Variants in ARHGEF28 observed in about 807,000 individuals in gnomAD.
ARHGEF28 encodes the protein Rho guanine nucleotide exchange factor 28.
In ARHGEF28, 152 loss-of-function variants were observed where a neutral mutation model predicts 206.6. That is an observed-to-expected ratio of 0.74 (90% confidence interval 0.64 to 0.84). The LOEUF (loss-of-function observed/expected upper bound fraction) is 0.84. ARHGEF28 is among the 40% of genes least tolerant of loss of function. The pLI, the probability that ARHGEF28 is intolerant of heterozygous loss-of-function variation, is 0.00. For synonymous variants in ARHGEF28, 763 were observed against 776.4 expected (o/e 0.98, Z 0.29); for missense variants, 2,028 against 2,073.2 (o/e 0.98, Z 0.42).
chr5:73,818,529 AAGG>A (rs1221322267), intron 9 of ARHGEF28, among the ~76,000 whole-genome samples: 1 of 152,260 alleles, frequency 6.6e-6, no homozygotes, highest in African/African-American at 2.4e-5. Flanking sequence ...AATCCTTATT[AAGG>A]AAGGGAAACA....
In ARHGEF28 at chr5:73,939,110, A is replaced by C. The variant is rs544321133; in HGVS notation, c.4949-1734A>C. ...CACGAGAGTCTTGATCATTAGAGCA[A>C]GGAGTCATCACGTGGCTGCCATCCT... On this transcript the variant is annotated intron_variant, in intron 35 of 35. Coordinates refer to ENST00000513042, the MANE Select transcript of ARHGEF28 (RefSeq NM_001177693.2). 2.0e-5 allele frequency among the ~76,000 whole-genome samples: 3 copies of C among 152,288 alleles called. No individual in the cohort carries two copies. The South Asian group carries it at 6.2e-4, about 32-fold the overall frequency.
chr5:73,840,436 C>T (rs772949992), intron 10 of ARHGEF28, 44 bp from the exon 11 acceptor site: 1 of 1,586,240 alleles, frequency 6.3e-7, no homozygotes, highest in Non-Finnish European at 8.6e-7. Context: ...CTAGGCCAAT[C>T]TTACCTGCTT....
At chr5:73,643,918 G>T (rs2112146792) in intron 1 of ARHGEF28, among the ~76,000 whole-genome samples, 1 of 152,334 alleles carries the variant, frequency 6.6e-6, no homozygotes, top group East Asian at 1.9e-4. Flanking sequence ...CTAGATGTGG[G>T]GAATGTTAAA....
At chr5:73,877,911 G>T (rs1260699442) in intron 22 of ARHGEF28, among the ~76,000 whole-genome samples, 1 of 152,178 alleles carries the variant, frequency 6.6e-6, no homozygotes, top group Non-Finnish European at 1.5e-5. Flanking sequence ...TTGATTTGGG[G>T]TGGAGAGTTC....
At chr5:73,717,385 C>T (rs779650546) in intron 2 of ARHGEF28, among the ~76,000 whole-genome samples, 7 of 152,096 alleles carry the variant, frequency 4.6e-5, no homozygotes, top group Non-Finnish European at 8.8e-5. Flanking sequence ...TTATTTCTCT[C>T]GTCTTTAACC....
rs374811484 is a variant in ARHGEF28 at position 73,749,851 on chromosome 5, C to G, written c.48C>G (p.Ile16Met). ...TCCTTTTTCAGGGGCAGATGATGATCTATGCGAAGTTTGACAAAAATGTGT... is the reference window on the plus strand; with the variant it reads ...TCCTTTTTCAGGGGCAGATGATGATGTATGCGAAGTTTGACAAAAATGTGT... ...SEAPLYGQMM[I>M]YAKFDKNVYL... The change falls in exon 3 of 36, where the codon ATC (isoleucine) becomes ATG (methionine). Residue 16 changes from isoleucine to methionine, a missense_variant. Physicochemically the swap from Ile to Met is conservative, Grantham distance 10 (BLOSUM62 1). Around this residue, in one of 3 missense-constraint regions of ARHGEF28, gnomAD observed 1,002 missense variants for 1,015.3 expected, o/e 0.99. Coordinates refer to ENST00000513042, the MANE Select transcript of ARHGEF28 (RefSeq NM_001177693.2). 3.1e-6 allele frequency: 5 copies of G among 1,613,966 alleles called. No individual in the cohort carries two copies. The highest frequency in any genetic ancestry group is 3.4e-6 in the Non-Finnish European group (4 of 1,179,884).
At chr5:73,810,019 A>C (rs1438166259) in intron 9 of ARHGEF28, among the ~76,000 whole-genome samples, 3 of 152,204 alleles carry the variant, frequency 2.0e-5, no homozygotes, top group Non-Finnish European at 4.4e-5. Context: ...ACAGAAAAAA[A>C]ACCCACTTCA....
chr5:73,776,335 A>G (rs1753540265), intron 5 of ARHGEF28, among the ~76,000 whole-genome samples, 181 bp from the exon 6 acceptor site: 1 of 152,234 alleles, frequency 6.6e-6, no homozygotes, highest in Non-Finnish European at 1.5e-5. Context: ...TAGGTGGAAA[A>G]AGAAAGATGG....
chr5:73,894,288 G>A, intron 28 of ARHGEF28, 105 bp from the exon 29 acceptor site: 1 of 1,175,196 alleles, frequency 8.5e-7, no homozygotes, highest in Non-Finnish European at 1.2e-6. Context: ...TTTTCTCTTG[G>A]AGGTCTTACT....
intron 4 of ARHGEF28, among the ~76,000 whole-genome samples, chr5:73,759,338 GA>G (rs1752479494): frequency 6.6e-6 from 1 of 152,136 alleles, no homozygotes; most frequent in Non-Finnish European, 1.5e-5. Context: ...TAAGTTAAAG[GA>G]AATATAGAAA....
intron 1 of ARHGEF28, among the ~76,000 whole-genome samples, chr5:73,648,342 C>T (rs971930957): frequency 6.6e-6 from 1 of 152,072 alleles, no homozygotes; most frequent in African/African-American, 2.4e-5. Context: ...TATAAAAGAT[C>T]AAGATCGAGT....
chr5:73,665,272 A>T (rs1277438147), intron 1 of ARHGEF28, among the ~76,000 whole-genome samples: 1 of 152,202 alleles, frequency 6.6e-6, no homozygotes. Context: ...CATATCATTG[A>T]GGTACAGAAA....
chr5:73,869,738 C>G (rs1260176290), intron 20 of ARHGEF28, among the ~76,000 whole-genome samples: 2 of 152,076 alleles, frequency 1.3e-5, no homozygotes, highest in Non-Finnish European at 2.9e-5. Context: ...GAAACCCCAT[C>G]TCTACCAAAA....
Position 73,870,152 on chromosome 5 carries a change from C to T in ARHGEF28, c.2509C>T (p.Pro837Ser), listed in dbSNP as rs752377771. 1.9e-6 allele frequency: 3 copies of T among 1,613,818 alleles called. No individual in the cohort carries two copies. The highest frequency in any genetic ancestry group is 4.5e-5 in the East Asian group (2 of 44,870). Residue 837 changes from proline (P) to serine (S), a missense_variant, in exon 21 of 36, where the codon CCC becomes TCC. Around this residue, in one of 3 missense-constraint regions of ARHGEF28, gnomAD observed 1,002 missense variants for 1,015.3 expected, o/e 0.99. Coordinates refer to ENST00000513042, the MANE Select transcript of ARHGEF28 (RefSeq NM_001177693.2). ...EAESWSLVVDPSFCNRQEKDV... is the reference protein window; with the variant it reads ...EAESWSLVVDSSFCNRQEKDV... The stretch of plus-strand genomic sequence containing the variant: ...AGAATCTTGGAGTCTTGTGGTGGAT[C>T]CCTCATTTTGTAATAGGCAGGAGAA...
chr5:73,690,175 G>A (rs17552288), intron 2 of ARHGEF28, among the ~76,000 whole-genome samples: 8,128 of 152,214 alleles, frequency 0.053, 321 homozygotes, highest in Non-Finnish European at 0.083. Flanking sequence ...AGGAAACGAT[G>A]CAAGGACAGC....
chr5:73,755,699 C>T (rs1752270941), intron 4 of ARHGEF28, among the ~76,000 whole-genome samples: 1 of 152,134 alleles, frequency 6.6e-6, no homozygotes, highest in Admixed American at 6.5e-5. Context: ...CTGGGCATGC[C>T]TGCTCAAAGT....
chr5:73,758,601 G>T (rs2112416645), intron 4 of ARHGEF28, among the ~76,000 whole-genome samples: 1 of 152,102 alleles, frequency 6.6e-6, no homozygotes, highest in Non-Finnish European at 1.5e-5. Context: ...TGTTGCCCAG[G>T]CTGGAGTGCA....
chr5:73,746,549 T>C (rs1751727196), intron 2 of ARHGEF28, among the ~76,000 whole-genome samples: 1 of 152,160 alleles, frequency 6.6e-6, no homozygotes, highest in Admixed American at 6.5e-5. Context: ...TAAATACCTT[T>C]AATTGCTATT....
chr5:73,813,564 C>T (rs568526044), intron 9 of ARHGEF28: 155 of 1,535,292 alleles, frequency 1.0e-4, no homozygotes, highest in Non-Finnish European at 1.3e-4. Flanking sequence ...ACTGTTTCAT[C>T]TGTTGATTTC....
Sources: gnomAD v4.1 joint callset for allele counts (sites outside exome capture counted in the v4.1 genomes callset) on GRCh38, gnomAD v4.1.1 for gene constraint, gnomAD v4.1.1 regional missense constraint, MANE v1.5 for transcripts, NCBI Gene and HGNC (gene_info 2026-07-23, HGNC 2026-07-21) for gene names.